Variants in CSMD1 observed in about 807,000 individuals in gnomAD.
CSMD1 encodes the protein CUB and Sushi multiple domains 1, also known as CUB and sushi domain-containing protein 1.
Under a neutral mutation model 417.5 loss-of-function variants are expected in CSMD1, and 213 were observed. That is an observed-to-expected ratio of 0.51 (90% confidence interval 0.46 to 0.57). The LOEUF is 0.57. CSMD1 is among the 20% of genes least tolerant of loss of function. CSMD1 has a pLI of 0.00. For synonymous variants in CSMD1, 2,862 were observed against 1,736.8 expected (o/e 1.65, Z -16.11); for missense variants, 6,923 against 4,529.7 (o/e 1.53, Z -15.17).
intron 26 of CSMD1, among the ~76,000 whole-genome samples, chr8:3,269,334 G>A (rs575033448): frequency 6.6e-6 from 1 of 152,216 alleles, no homozygotes; most frequent in South Asian, 2.1e-4. Flanking sequence ...GATGGCTCCA[G>A]CTACGCTTGT....
chr8:4,306,602 C>A (rs756877011), intron 3 of CSMD1, among the ~76,000 whole-genome samples: 4 of 152,094 alleles, frequency 2.6e-5, no homozygotes, highest in African/African-American at 9.7e-5. Flanking sequence ...CTGATGCTTT[C>A]CTTCTTGGCC....
intron 40 of CSMD1, among the ~76,000 whole-genome samples, chr8:3,147,042 T>G (rs1406925631): frequency 6.6e-6 from 1 of 150,962 alleles, no homozygotes; most frequent in East Asian, 2.0e-4. Context: ...TCCGGATAAG[T>G]GTTATTACTC....
chr8:3,753,883 T>A (rs757751295), intron 6 of CSMD1, 47 bp downstream of exon 6: 2 of 1,345,284 alleles, frequency 1.5e-6, no homozygotes, highest in Admixed American at 1.8e-5. Flanking sequence ...GATCAAAATA[T>A]ATTACGCTCT....
chr8:3,226,277 C>G (rs1007648907), intron 27 of CSMD1, among the ~76,000 whole-genome samples: 5 of 152,048 alleles, frequency 3.3e-5, no homozygotes, highest in African/African-American at 7.2e-5. Context: ...TTTAGGGACA[C>G]TTTACTCGGA....
chr8:3,212,337 G>C (rs1457228332), intron 30 of CSMD1, among the ~76,000 whole-genome samples: 2 of 152,110 alleles, frequency 1.3e-5, no homozygotes, highest in African/African-American at 2.4e-5. Flanking sequence ...CCTGGCCTAT[G>C]ATCACGATTT....
rs138669085 is a variant in CSMD1 at position 4,767,841 on chromosome 8, G to A, written c.86-130283C>T. Among the ~76,000 whole-genome samples the A allele has an allele frequency of 3.7e-3, 567 of 152,280 alleles. 2 individuals carry two copies. Among genetic ancestry groups the A allele is most frequent in the Middle Eastern group, 6.8e-3 (2 of 294 alleles). On this transcript the variant is annotated intron_variant, in intron 1 of 69. Transcript: ENST00000635120. ...GGCACTGGAGCACCCAACTGCCCAGGAGTGTCCCTCTCCTGAGTGATGCTA... is the reference window on the plus strand; with the variant it reads ...GGCACTGGAGCACCCAACTGCCCAGAAGTGTCCCTCTCCTGAGTGATGCTA...
chr8:4,465,155 T>C (rs1800088643), intron 2 of CSMD1, among the ~76,000 whole-genome samples: 1 of 152,182 alleles, frequency 6.6e-6, no homozygotes, highest in African/African-American at 2.4e-5. Context: ...CCCCAAACTA[T>C]GTCACTTTAT....
At chr8:3,643,766 A>G (rs1002483977) in intron 7 of CSMD1, among the ~76,000 whole-genome samples, 3 of 151,544 alleles carry the variant, frequency 2.0e-5, no homozygotes, top group Non-Finnish European at 4.4e-5. Context: ...ATCACCTCCT[A>G]GAGTCATTGT....
At chr8:4,926,851 A>C (rs775771005) in intron 1 of CSMD1, among the ~76,000 whole-genome samples, 1 of 152,140 alleles carries the variant, frequency 6.6e-6, no homozygotes, top group Admixed American at 6.5e-5. Flanking sequence ...ATAGTTTGCT[A>C]TCAATGAACT....
rs1311993862 is a variant in CSMD1 at position 2,937,593 on chromosome 8, CAGAG to C, written c.*988_*991del. The C allele has an allele frequency of 1.3e-5, 2 of 152,130 alleles. No homozygotes were observed. The highest frequency in any genetic ancestry group is 4.8e-5 in the African/African-American group (2 of 41,414). The allele number at this position is 152,130 out of a possible 1,614,324, so 9.4% of individuals were successfully genotyped here. A position where few individuals can be genotyped will look rare whatever the true frequency, so the allele number is the denominator to read the frequency against. On this transcript the variant is annotated 3_prime_UTR_variant, in exon 70 of 70. Transcript: ENST00000635120. ...CAAACCCCCTGCTATTAAGTAGTAT[CAGAG>C]AGACAGTAATTGGATGAGGATGGTA...
intron 7 of CSMD1, among the ~76,000 whole-genome samples, chr8:3,639,872 A>T (rs1482948017): frequency 6.6e-6 from 1 of 152,226 alleles, no homozygotes; most frequent in African/African-American, 2.4e-5. Flanking sequence ...AAAATATGTG[A>T]TATGTTCAGA....
chr8:4,223,091 G>A (rs909698657), intron 3 of CSMD1, among the ~76,000 whole-genome samples: 6 of 146,876 alleles, frequency 4.1e-5, no homozygotes, highest in African/African-American at 7.4e-5. Flanking sequence ...GTTCCCTCCC[G>A]CCCTGCCCTG....
intron 5 of CSMD1, among the ~76,000 whole-genome samples, chr8:3,983,886 T>A (rs774045274): frequency 6.6e-6 from 1 of 151,888 alleles, no homozygotes; most frequent in African/African-American, 2.4e-5. Flanking sequence ...CTAATGGGAC[T>A]GTCAATTGCA....
intron 7 of CSMD1, among the ~76,000 whole-genome samples, chr8:3,650,348 G>C (rs910536418): frequency 2.6e-5 from 4 of 151,996 alleles, no homozygotes; most frequent in Non-Finnish European, 4.4e-5. Flanking sequence ...AGGAAGATGA[G>C]TATACCTTTA....
chr8:4,659,339 G>A (rs1190094120), intron 1 of CSMD1, among the ~76,000 whole-genome samples: 2 of 152,058 alleles, frequency 1.3e-5, no homozygotes, highest in Non-Finnish European at 1.5e-5. Flanking sequence ...ACTCCAAGCT[G>A]GCAGGTAAAA....
chr8:3,496,305 G>T (rs998491206), intron 10 of CSMD1, among the ~76,000 whole-genome samples: 1 of 152,148 alleles, frequency 6.6e-6, no homozygotes, highest in Admixed American at 6.5e-5. Flanking sequence ...TGTGTTGGCA[G>T]TTTTGGTTGG....
intron 5 of CSMD1, among the ~76,000 whole-genome samples, chr8:3,805,068 A>T (rs1585025066): frequency 6.6e-6 from 1 of 151,046 alleles, no homozygotes; most frequent in Admixed American, 6.7e-5. Flanking sequence ...GGCACAGAGA[A>T]TTAGAATAAC....
At chr8:3,257,147 C>T (rs1371126134) in intron 26 of CSMD1, among the ~76,000 whole-genome samples, 2 of 152,084 alleles carry the variant, frequency 1.3e-5, no homozygotes, top group African/African-American at 4.8e-5. Flanking sequence ...CATGGTGAAA[C>T]CCCATCTCCG....
At chr8:3,897,768 A>G (rs966651615) in intron 5 of CSMD1, among the ~76,000 whole-genome samples, 3 of 152,036 alleles carry the variant, frequency 2.0e-5, no homozygotes, top group African/African-American at 7.2e-5. Flanking sequence ...CTGTGATATC[A>G]TTTGCTTTCC....
Sources: gnomAD v4.1 joint callset for allele counts (sites outside exome capture counted in the v4.1 genomes callset) on GRCh38, gnomAD v4.1.1 for gene constraint, MANE v1.5 for transcripts, NCBI Gene and HGNC (gene_info 2026-07-23, HGNC 2026-07-21) for gene names.